Variants in CALD1 observed in about 807,000 individuals in gnomAD.
The protein encoded by CALD1 is caldesmon.
CALD1 carries 33 observed loss-of-function variants against 99.9 expected under a neutral mutation model. That is an observed-to-expected ratio of 0.33 (90% CI 0.25 to 0.44). The LOEUF is 0.44. Among genes scored for constraint, CALD1 ranks in the 20% least tolerant of loss-of-function variants. The pLI is 1.00. For missense variants in CALD1, 861 were observed against 962.1 expected (o/e 0.89, Z 1.39); for synonymous variants, 310 against 325.0 (o/e 0.95, Z 0.50).
intron 2 of CALD1, among the ~76,000 whole-genome samples, chr7:134,858,922 A>G (rs991802503): frequency 1.3e-5 from 2 of 152,208 alleles, no homozygotes; most frequent in African/African-American, 2.4e-5. Context: ...TGCAGTGATG[A>G]AAACATTCTC....
chr7:134,715,589 T>C, the CALD1 span, among the ~76,000 whole-genome samples: 1 of 152,260 alleles, frequency 6.6e-6, no homozygotes, highest in Admixed American at 6.5e-5. Context: ...TGTAGTAGTT[T>C]TAATGAATTA....
At chr7:134,928,709 C>A (rs149284877) in intron 3 of CALD1, 45 bp from the exon 4 acceptor site, 21 of 1,588,796 alleles carry the variant, frequency 1.3e-5, no homozygotes, top group Middle Eastern at 3.3e-4. Flanking sequence ...GGTGAAGACA[C>A]GTGGCAAGTG....
At chr7:134,808,468 C>T (rs897854122) in intron 1 of CALD1, among the ~76,000 whole-genome samples, 29 of 152,132 alleles carry the variant, frequency 1.9e-4, no homozygotes, top group African/African-American at 6.8e-4. Context: ...AGATCCACTC[C>T]CTGGCAAAAG....
rs975064235 is a variant in CALD1, at chr7:134,885,534, C to T, written c.71+17730C>T. On this transcript the variant is annotated intron_variant, in intron 3 of 14. Coordinates refer to ENST00000361675, the MANE Select transcript of CALD1 (RefSeq NM_033138.4). ...AAAAGCCATGTGTAAATTTAATATC[C>T]AGATGCAAAAGGTGGACACCCACAA... is the stretch of plus-strand genomic sequence containing the variant. Among the ~76,000 whole-genome samples, 27 of 151,994 alleles carry T rather than the reference C, an allele frequency of 1.8e-4. 1 individual carries two copies. The highest frequency in any genetic ancestry group is 4.8e-4 in the African/African-American group (20 of 41,362).
upstream of CALD1, among the ~76,000 whole-genome samples, chr7:134,778,854 A>G (rs1237502177): frequency 3.3e-5 from 5 of 152,232 alleles, no homozygotes; most frequent in Non-Finnish European, 5.9e-5. Context: ...CTGAGGAAAC[A>G]AAAGAGATAA....
At chr7:134,844,727 T>C (rs1345280567) in intron 2 of CALD1, among the ~76,000 whole-genome samples, 1 of 152,170 alleles carries the variant, frequency 6.6e-6, no homozygotes, top group Non-Finnish European at 1.5e-5. Flanking sequence ...GATCAAAGTG[T>C]TGGCATGGTG....
chr7:134,963,244 T>C (rs1808413072), intron 13 of CALD1, among the ~76,000 whole-genome samples: 1 of 152,218 alleles, frequency 6.6e-6, no homozygotes. Context: ...CCACCTACGC[T>C]GGCAAATGTA....
intron 3 of CALD1, chr7:134,891,520 A>G: frequency 6.7e-7 from 1 of 1,502,972 alleles, no homozygotes; most frequent in Non-Finnish European, 8.9e-7. Context: ...TTTCAGCCAC[A>G]GATCACATGG....
At chr7:134,948,603 A>T (rs908930330) in intron 8 of CALD1, among the ~76,000 whole-genome samples, 1 of 152,224 alleles carries the variant, frequency 6.6e-6, no homozygotes, top group African/African-American at 2.4e-5. Flanking sequence ...TGGTAGAATC[A>T]GTAAGGAGAC....
chr7:134,897,425 A>C (rs538618536), intron 3 of CALD1, among the ~76,000 whole-genome samples: 1 of 150,138 alleles, frequency 6.7e-6, no homozygotes, highest in African/African-American at 2.4e-5. Flanking sequence ...ATATTTCACA[A>C]AACGGTGCTC....
At chr7:134,953,190 T>G (rs1359250035) in intron 9 of CALD1, among the ~76,000 whole-genome samples, 1 of 152,168 alleles carries the variant, frequency 6.6e-6, no homozygotes, top group Admixed American at 6.5e-5. Flanking sequence ...GTGAAAACCA[T>G]TCTCAAGGCC....
At chr7:134,754,886 G>C (rs1045596377) in intron 1 of CALD1, among the ~76,000 whole-genome samples, 4 of 152,186 alleles carry the variant, frequency 2.6e-5, no homozygotes, top group African/African-American at 9.7e-5. Flanking sequence ...TTAGACAATA[G>C]GGTAGATGAA....
At chr7:134,816,282 G>A (rs947422488) in intron 1 of CALD1, among the ~76,000 whole-genome samples, 1 of 152,138 alleles carries the variant, frequency 6.6e-6, no homozygotes, top group Non-Finnish European at 1.5e-5. Flanking sequence ...TGTGTCCCTA[G>A]CACTGCATCA....
intron 13 of CALD1, chr7:134,962,477 A>G (rs1016574948): frequency 1.1e-5 from 2 of 183,842 alleles, no homozygotes; most frequent in Non-Finnish European, 2.3e-5. Context: ...AGGGTGAAGA[A>G]AAGGAAAGAA....
At chr7:134,945,386 A>G (rs1227508304) in intron 7 of CALD1, among the ~76,000 whole-genome samples, 2 of 152,168 alleles carry the variant, frequency 1.3e-5, no homozygotes, top group Non-Finnish European at 2.9e-5. Context: ...AGATGGAATA[A>G]CATGTTCTAT....
At chr7:134,774,210 A>G (rs917483533) in intron 1 of CALD1, among the ~76,000 whole-genome samples, 1 of 151,732 alleles carries the variant, frequency 6.6e-6, no homozygotes, top group Non-Finnish European at 1.5e-5. Flanking sequence ...GCCAATTGGA[A>G]GTTGCTGCAA....
chr7:134,735,849 A>G, the CALD1 span, among the ~76,000 whole-genome samples: 709 of 152,220 alleles, frequency 4.7e-3, 4 homozygotes, highest in African/African-American at 0.016. Context: ...TACACTTTAT[A>G]AGGAGTTTGA....
chr7:134,762,826 A>G (rs1796790866), intron 1 of CALD1, among the ~76,000 whole-genome samples: 1 of 152,242 alleles, frequency 6.6e-6, no homozygotes. Flanking sequence ...ACAACTGGAC[A>G]TGAGATTTGA....
chr7:134,953,655 G>GTT (rs1807537981), intron 9 of CALD1, among the ~76,000 whole-genome samples: 3 of 132,198 alleles, frequency 2.3e-5, no homozygotes, highest in Admixed American at 7.6e-5. Flanking sequence ...ATTCTACTGT[G>GTT]GTTTTTTTTT....
Sources: gnomAD v4.1 joint callset for allele counts (sites outside exome capture counted in the v4.1 genomes callset) on GRCh38, gnomAD v4.1.1 for gene constraint, MANE v1.5 for transcripts, NCBI Gene and HGNC (gene_info 2026-07-23, HGNC 2026-07-21) for gene names.